Variants in DIS3L2 observed in about 807,000 individuals in gnomAD.
The protein encoded by DIS3L2 is DIS3 like 3'-5' exoribonuclease 2, also known as DIS3-like exonuclease 2.
A neutral mutation model predicts 97.5 loss-of-function variants in DIS3L2; 34 were observed. The ratio of observed to expected loss-of-function variants is 0.35; its 90% CI spans 0.27 to 0.46. The LOEUF (loss-of-function observed/expected upper bound fraction) is 0.46. Ranked by LOEUF, DIS3L2 falls within the 20% of genes least tolerant of loss-of-function variation. The probability of loss-of-function intolerance (pLI) is 1.00; values close to 1 mark genes in which losing one functional copy is unlikely to be tolerated. For synonymous variants in DIS3L2, 435 were observed against 445.2 expected (o/e 0.98, Z 0.29); for missense variants, 1,038 against 1,146.0 (o/e 0.91, Z 1.36).
chr2:232,327,328 C>T (rs1193713899), intron 14 of DIS3L2, among the ~76,000 whole-genome samples: 2 of 152,248 alleles, frequency 1.3e-5, no homozygotes, highest in Non-Finnish European at 2.9e-5. Flanking sequence ...CCTAAGGCTA[C>T]ACTTGTCCCT....
intron 1 of DIS3L2, among the ~76,000 whole-genome samples, chr2:231,965,325 A>G (rs16828543): frequency 0.13 from 20,335 of 152,258 alleles, 1,850 homozygotes; most frequent in South Asian, 0.34. Flanking sequence ...ACTGTTACTT[A>G]GCAACCAGTA....
chr2:232,080,663 G>A (rs1344555411), intron 5 of DIS3L2, among the ~76,000 whole-genome samples: 2 of 151,978 alleles, frequency 1.3e-5, no homozygotes, highest in Admixed American at 6.6e-5. Flanking sequence ...CACTTTGGGA[G>A]GCTAAGGTGG....
intron 5 of DIS3L2, among the ~76,000 whole-genome samples, chr2:232,036,009 C>A (rs1159945081): frequency 6.6e-6 from 1 of 152,056 alleles, no homozygotes; most frequent in Admixed American, 6.6e-5. Flanking sequence ...TTGGGGTTGC[C>A]TTTCTCGAGG....
At chr2:232,226,899 G>A (rs1485739211) in intron 10 of DIS3L2, among the ~76,000 whole-genome samples, 1 of 152,122 alleles carries the variant, frequency 6.6e-6, no homozygotes, top group Admixed American at 6.5e-5. Context: ...AGCCTGAGGA[G>A]GTGGAAGCTG....
intron 5 of DIS3L2, among the ~76,000 whole-genome samples, chr2:232,059,145 A>G (rs746806856): frequency 6.6e-6 from 1 of 152,224 alleles, no homozygotes; most frequent in Non-Finnish European, 1.5e-5. Context: ...TTTGTATACA[A>G]AAAGCTCTGC....
Position 232,336,687 on chromosome 2 carries a change from T to C in DIS3L2, c.*57T>C. The C allele has an allele frequency of 6.4e-7, 1 of 1,568,822 alleles. No homozygotes were observed. The highest frequency in any genetic ancestry group is 1.2e-5 in the South Asian group (1 of 86,796). On this transcript the variant is annotated 3_prime_UTR_variant, in exon 21 of 21. Transcript: ENST00000325385. ...CCTGCCTGTCCCGCCACACTGGCTT[T>C]AGGACCTGTTGACACGGAGGGGGGT...
At chr2:232,157,032 G>C (rs1690513247) in intron 8 of DIS3L2, among the ~76,000 whole-genome samples, 3 of 152,002 alleles carry the variant, frequency 2.0e-5, no homozygotes, top group Non-Finnish European at 4.4e-5. Context: ...TTATATTGTT[G>C]TTGCCATTCT....
intron 14 of DIS3L2, among the ~76,000 whole-genome samples, chr2:232,300,601 T>C (rs1178980341): frequency 6.6e-6 from 1 of 151,614 alleles, no homozygotes; most frequent in Non-Finnish European, 1.5e-5. Context: ...GTTGGAAAGG[T>C]GGCACCTTGC....
At chr2:232,309,987 A>T (rs1163244318) in intron 14 of DIS3L2, among the ~76,000 whole-genome samples, 5 of 152,196 alleles carry the variant, frequency 3.3e-5, no homozygotes, top group Non-Finnish European at 5.9e-5. Flanking sequence ...AAGCAGAGGA[A>T]ATATTTCCCA....
chr2:232,106,709 C>T (rs1478482588), intron 6 of DIS3L2, among the ~76,000 whole-genome samples: 1 of 152,170 alleles, frequency 6.6e-6, no homozygotes, highest in Non-Finnish European at 1.5e-5. Context: ...AGAAAATTAA[C>T]AAAGATATTC....
intron 13 of DIS3L2, among the ~76,000 whole-genome samples, chr2:232,291,163 A>G (rs1022822876): frequency 1.3e-5 from 2 of 152,230 alleles, no homozygotes; most frequent in Non-Finnish European, 2.9e-5. Flanking sequence ...TTGCCATAGA[A>G]TCGTCATTAA....
chr2:232,153,967 T>C (rs1690396520), intron 8 of DIS3L2, among the ~76,000 whole-genome samples: 1 of 148,540 alleles, frequency 6.7e-6, no homozygotes, highest in South Asian at 2.2e-4. Context: ...CTTCCATTGC[T>C]GATACCCTTT....
intron 6 of DIS3L2, among the ~76,000 whole-genome samples, chr2:232,118,888 CTA>C (rs1697809125): frequency 6.6e-6 from 1 of 152,106 alleles, no homozygotes; most frequent in African/African-American, 2.4e-5. Context: ...TGTGTTTTTC[CTA>C]GGGGCCTTCG....
chr2:232,215,260 T>C (rs1377404638), intron 10 of DIS3L2, among the ~76,000 whole-genome samples: 1 of 152,152 alleles, frequency 6.6e-6, no homozygotes, highest in East Asian at 1.9e-4. Flanking sequence ...GCTGCTTTCC[T>C]CTCTGAACCA....
At chr2:232,067,505 T>C (rs1416460051) in intron 5 of DIS3L2, among the ~76,000 whole-genome samples, 13 of 152,228 alleles carry the variant, frequency 8.5e-5, no homozygotes. Flanking sequence ...GGGCATACTC[T>C]GCAAGATATC....
intron 14 of DIS3L2, among the ~76,000 whole-genome samples, chr2:232,308,975 G>T (rs537613854): frequency 1.3e-5 from 2 of 152,322 alleles, no homozygotes; most frequent in Admixed American, 1.3e-4. Flanking sequence ...TGTACGAGAG[G>T]TGTTGGGGGA....
At chr2:232,156,047 A>G (rs768335169) in intron 8 of DIS3L2, among the ~76,000 whole-genome samples, 13 of 151,062 alleles carry the variant, frequency 8.6e-5, no homozygotes, top group Non-Finnish European at 1.3e-4. Context: ...TCTATTCCTC[A>G]TCTCTAGCTC....
chr2:232,263,195 C>G lies in DIS3L2; in HGVS notation c.1426-12C>G. ...TCCTCACAATTCCCTTGTAATCTGT[C>G]CATCTTTGCAGATCCTTGATGAATG... is the stretch of plus-strand genomic sequence containing the variant. On this transcript the variant is annotated splice_polypyrimidine_tract_variant and intron_variant, in intron 12 of 20. Coordinates refer to ENST00000325385, the MANE Select transcript of DIS3L2 (RefSeq NM_152383.5). The G allele has an allele frequency of 3.1e-6, 5 of 1,613,158 alleles. No homozygotes were observed. Among genetic ancestry groups the G allele is most frequent in the Non-Finnish European group, 4.2e-6 (5 of 1,179,116 alleles).
At position 231,996,363 on chromosome 2, in the gene DIS3L2, A is replaced by G. The variant is rs532223612; in HGVS notation, c.-93-18472A>G. Among the ~76,000 whole-genome samples, 8 of 152,310 alleles carry G rather than the reference A, an allele frequency of 5.3e-5. No individual in the cohort carries two copies. The East Asian group carries it at 7.7e-4, about 15-fold the overall frequency. On this transcript the variant is annotated intron_variant, in intron 1 of 20. Coordinates refer to ENST00000325385, the MANE Select transcript of DIS3L2 (RefSeq NM_152383.5). ...GATTCAGCCATAGATTGTAGGACCT[A>G]TCTTGTATACACCTAGGTCCTTAAA... is the stretch of plus-strand genomic sequence containing the variant.
Sources: gnomAD v4.1 joint callset for allele counts (sites outside exome capture counted in the v4.1 genomes callset) on GRCh38, gnomAD v4.1.1 for gene constraint, MANE v1.5 for transcripts, NCBI Gene and HGNC (gene_info 2026-07-23, HGNC 2026-07-21) for gene names.